Variants in EPB41L4B observed in about 807,000 individuals in gnomAD.
The protein encoded by EPB41L4B is erythrocyte membrane protein band 4.1 like 4B, also known as band 4.1-like protein 4B.
EPB41L4B carries 30 observed loss-of-function variants against 112.5 expected under a neutral mutation model. That is an observed-to-expected ratio of 0.27 (90% CI 0.20 to 0.36). The LOEUF (loss-of-function observed/expected upper bound fraction) is 0.36. Among genes scored for constraint, EPB41L4B ranks in the 10% least tolerant of loss-of-function variants. The pLI is 1.00. For missense variants in EPB41L4B, 1,024 were observed against 1,133.3 expected (o/e 0.90, Z 1.38); for synonymous variants, 408 against 439.7 (o/e 0.93, Z 0.90).
intron 21 of EPB41L4B, among the ~76,000 whole-genome samples, chr9:109,192,735 C>A (rs1368106950): frequency 3.3e-5 from 5 of 152,192 alleles, no homozygotes; most frequent in African/African-American, 7.2e-5. Flanking sequence ...AGGAGCTAAA[C>A]TGATCTGCAC....
chr9:109,178,901 G>GAAAAAAAAAA (rs1831944904), intron 24 of EPB41L4B, among the ~76,000 whole-genome samples: 1 of 9,914 alleles, frequency 1.0e-4, no homozygotes. Flanking sequence ...TATACTTCAA[G>GAAAAAAAAAA]TAAAAAAAAA....
At chr9:109,243,209 CCG>C (rs1419140979) in intron 15 of EPB41L4B, among the ~76,000 whole-genome samples, 2 of 111,414 alleles carry the variant, frequency 1.8e-5, no homozygotes, top group African/African-American at 6.8e-5. Flanking sequence ...CAGCCCACCC[CCG>C]CAAAAAAAAA....
chr9:109,256,383 C>T lies in EPB41L4B; in HGVS notation c.840+10G>A. On this transcript the variant is annotated intron_variant, in intron 8 of 25. Transcript: ENST00000374566. ...CAAAACCAAATTACTTAAACGCACACAGTTCTTACCCTGACAACGTGCATG... is the reference window on the plus strand; with the variant it reads ...CAAAACCAAATTACTTAAACGCACATAGTTCTTACCCTGACAACGTGCATG... The T allele has an allele frequency of 6.2e-7, 1 of 1,613,080 alleles. No homozygotes were observed. Among genetic ancestry groups the T allele is most frequent in the Non-Finnish European group, 8.5e-7 (1 of 1,179,504 alleles).
At chr9:109,265,771 C>G (rs1021739091) in intron 4 of EPB41L4B, among the ~76,000 whole-genome samples, 1 of 152,208 alleles carries the variant, frequency 6.6e-6, no homozygotes, top group African/African-American at 2.4e-5. Flanking sequence ...TTTGTAAAAA[C>G]CAAAACTGCC....
At chr9:109,265,551 AACAC>A (rs10631824) in intron 4 of EPB41L4B, among the ~76,000 whole-genome samples, 18 of 150,072 alleles carry the variant, frequency 1.2e-4, no homozygotes, top group East Asian at 5.8e-4. Context: ...ACAGCACACA[AACAC>A]ACACACACAC....
At position 109,260,992 on chromosome 9, in the gene EPB41L4B, C is replaced by G. The variant is rs202128874; in HGVS notation, c.631+2058G>C. 3.3e-5 allele frequency among the ~76,000 whole-genome samples: 5 copies of G among 152,314 alleles called. No individual in the cohort carries two copies. In the East Asian group the frequency reaches 9.6e-4, roughly 29 times the overall value. On this transcript the variant is annotated intron_variant, in intron 6 of 25. Transcript: ENST00000374566. ...GAAACCTTTCCAGTGGATTAATGGC[C>G]TTCCGTCTCTTTTGTCTCATTCGTG...
At chr9:109,271,191 C>T (rs1835602365) in intron 2 of EPB41L4B, among the ~76,000 whole-genome samples, 1 of 152,236 alleles carries the variant, frequency 6.6e-6, no homozygotes, top group African/African-American at 2.4e-5. Context: ...CTGCTTTGCC[C>T]TCTGGCCACA....
chr9:109,207,816 T>C, intron 18 of EPB41L4B, 108 bp downstream of exon 18: 2 of 1,405,932 alleles, frequency 1.4e-6, no homozygotes, highest in South Asian at 2.7e-5. Context: ...ATCTCCTGAC[T>C]GGACCCTGAC....
intron 1 of EPB41L4B, among the ~76,000 whole-genome samples, chr9:109,308,949 G>A (rs1295704522): frequency 6.6e-6 from 1 of 152,166 alleles, no homozygotes; most frequent in African/African-American, 2.4e-5. Flanking sequence ...GGTGGCGCAT[G>A]CCTGTAATCC....
In EPB41L4B at chr9:109,220,505, T is replaced by C. The variant is rs1833535852; in HGVS notation, c.1410-3360A>G. ...CCGCAGGGCGGGATCTAGACTAACC[T>C]GGTGGATGGAGTGAGGTGAACTGCC... On this transcript the variant is annotated intron_variant, in intron 15 of 25. Transcript: ENST00000374566. Among the ~76,000 whole-genome samples, 3 of 152,208 alleles carry C rather than the reference T, an allele frequency of 2.0e-5. No homozygotes were observed. In the South Asian group the frequency reaches 6.2e-4, roughly 31 times the overall value.
intron 1 of EPB41L4B, among the ~76,000 whole-genome samples, chr9:109,319,330 C>A (rs865951887): frequency 6.6e-6 from 1 of 152,118 alleles, no homozygotes; most frequent in Admixed American, 6.5e-5. Context: ...CAGGCCCAGG[C>A]GCCGCCGCCC....
chr9:109,276,033 TTATATA>T (rs34358736), intron 2 of EPB41L4B, among the ~76,000 whole-genome samples: 1 of 147,186 alleles, frequency 6.8e-6, no homozygotes, highest in Non-Finnish European at 1.5e-5. Flanking sequence ...ATTTAAAGTT[TTATATA>T]TATATATAAA....
At position 109,249,681 on chromosome 9, in the gene EPB41L4B, C is replaced by T. The variant is rs571748676; in HGVS notation, c.1310+1800G>A. 1.2e-4 allele frequency among the ~76,000 whole-genome samples: 18 copies of T among 151,890 alleles called. 1 individual carries two copies. Among genetic ancestry groups the T allele is most frequent in the Admixed American group, 1.3e-4 (2 of 15,246 alleles). ...CCCCAGAGAATTAAAAGCAAGACACCCCGACAAGCTAAGAAAGGTACAGAT... is the reference window on the plus strand; with the variant it reads ...CCCCAGAGAATTAAAAGCAAGACACTCCGACAAGCTAAGAAAGGTACAGAT... On this transcript the variant is annotated intron_variant, in intron 13 of 25. Transcript: ENST00000374566.
At chr9:109,281,175 C>A (rs1486979186) in intron 1 of EPB41L4B, among the ~76,000 whole-genome samples, 5 of 149,180 alleles carry the variant, frequency 3.4e-5, no homozygotes, top group African/African-American at 1.2e-4. Context: ...GAAGTGCAGA[C>A]AACCCAGATG....
At chr9:109,204,292 A>G (rs1027037698) in intron 18 of EPB41L4B, among the ~76,000 whole-genome samples, 25 of 151,856 alleles carry the variant, frequency 1.6e-4, no homozygotes, top group Admixed American at 2.6e-4. Context: ...CTGACCACAC[A>G]CTAGTGGTCA....
intron 22 of EPB41L4B, among the ~76,000 whole-genome samples, chr9:109,189,640 T>A (rs546323389): frequency 1.3e-5 from 2 of 152,312 alleles, no homozygotes; most frequent in East Asian, 1.9e-4. Flanking sequence ...TTATTTATTT[T>A]TTTTGGAGAC....
At chr9:109,221,273 T>C (rs1436086309) in intron 15 of EPB41L4B, among the ~76,000 whole-genome samples, 1 of 152,032 alleles carries the variant, frequency 6.6e-6, no homozygotes, top group African/African-American at 2.4e-5. Flanking sequence ...GAAGGATGGA[T>C]TAATGAAGTT....
chr9:109,209,040 A>G (rs1833072656), intron 17 of EPB41L4B, among the ~76,000 whole-genome samples: 2 of 152,194 alleles, frequency 1.3e-5, no homozygotes, highest in South Asian at 4.1e-4. Flanking sequence ...AATGTGACAT[A>G]TCAGCCACCA....
chr9:109,188,958 G>A (rs1259416113), intron 22 of EPB41L4B, among the ~76,000 whole-genome samples: 3 of 152,192 alleles, frequency 2.0e-5, no homozygotes, highest in African/African-American at 7.2e-5. Context: ...TAGACTTGGA[G>A]TAGCGTGCAG....
Sources: allele counts gnomAD v4.1 joint callset (sites outside exome capture counted in the v4.1 genomes callset), GRCh38; gene constraint gnomAD v4.1.1; transcripts MANE v1.5; gene names NCBI Gene and HGNC (gene_info 2026-07-23, HGNC 2026-07-21).